ZYG11A: variants seen among roughly 807,000 people sequenced by gnomAD.
The protein encoded by ZYG11A is zyg-11 family member A, cell cycle regulator, also known as protein zyg-11 homolog A.
In ZYG11A, 62 loss-of-function variants were observed where a neutral mutation model predicts 77.2. The ratio of observed to expected loss-of-function variants is 0.80; its 90% CI spans 0.65 to 0.99. ZYG11A has a LOEUF of 0.99. ZYG11A is among the 50% of genes least tolerant of loss of function. The pLI is 0.00. For synonymous variants in ZYG11A, 315 were observed against 324.6 expected, an observed-to-expected ratio of 0.97 and a Z score of 0.32; for missense variants, 828 against 896.8, an observed-to-expected ratio of 0.92 and a Z score of 0.98.
At chr1:52,856,786 A>T (rs1645820856) in intron 2 of ZYG11A, among the ~76,000 whole-genome samples, 1 of 152,348 alleles carries the variant, frequency 6.6e-6, no homozygotes, top group Middle Eastern at 3.4e-3. Context: ...TCAGCTACAT[A>T]GTAGTAGTAA....
rs771421208 is a variant in ZYG11A at position 52,857,024 on chromosome 1, A to G, written c.283A>G (p.Ile95Val). Residue 95 changes from isoleucine (I) to valine (V), a missense_variant, in exon 3 of 14, where the codon ATT becomes GTT. By Grantham distance (29) the Ile-to-Val change is conservative. Transcript: ENST00000371528. ...CAAGCTGACTGACAGAACAGCCAGCATTTTCCGAGGCAACCAAATGAAACT... is the reference window on the plus strand; with the variant it reads ...CAAGCTGACTGACAGAACAGCCAGCGTTTTCCGAGGCAACCAAATGAAACT... ...QGKLTDRTAS[I>V]FRGNQMKLKL... 4.7e-5 allele frequency: 72 copies of G among 1,544,064 alleles called. No homozygotes were observed. Among genetic ancestry groups the G allele is most frequent in the Non-Finnish European group, 5.7e-5 (65 of 1,141,518 alleles).
intron 1 of ZYG11A, among the ~76,000 whole-genome samples, chr1:52,851,914 ATTT>A (rs143301493): frequency 7.9e-6 from 1 of 126,590 alleles, no homozygotes; most frequent in East Asian, 2.3e-4. Context: ...TGCCTTCCTA[ATTT>A]TTTTTTTTTT....
At chr1:52,871,518 A>G (rs932659206) in intron 8 of ZYG11A, among the ~76,000 whole-genome samples, 3 of 146,494 alleles carry the variant, frequency 2.0e-5, no homozygotes, top group African/African-American at 7.6e-5. Context: ...TTTTTTTGAG[A>G]CAGAGTCCCA....
chr1:52,845,012 G>A (rs1645536036), intron 1 of ZYG11A, among the ~76,000 whole-genome samples: 1 of 152,006 alleles, frequency 6.6e-6, no homozygotes, highest in South Asian at 2.1e-4. Context: ...TCCGGCTCAA[G>A]CAATCCTCTT....
intron 8 of ZYG11A, among the ~76,000 whole-genome samples, chr1:52,877,415 G>A (rs1033635402): frequency 1.3e-5 from 2 of 152,094 alleles, no homozygotes; most frequent in African/African-American, 2.4e-5. Context: ...AAAAATAATG[G>A]AATAGCTAAT....
intron 5 of ZYG11A, 79 bp from the exon 6 acceptor site, chr1:52,866,424 T>C (rs1178723622): frequency 5.1e-6 from 4 of 783,906 alleles, no homozygotes; most frequent in African/African-American, 1.7e-5. Context: ...TCACTAGTAA[T>C]ACTTCCAAAT....
rs1646291651 is a variant in ZYG11A at position 52,877,964 on chromosome 1, C to G, written c.1744C>G (p.Leu582Val). 1.9e-6 allele frequency: 3 copies of G among 1,551,384 alleles called. No individual in the cohort carries two copies. The highest frequency in any genetic ancestry group is 2.6e-6 in the Non-Finnish European group (3 of 1,146,912). ...AGCAATACAAAGCAAAGTACTTGGT[C>G]TTTTGGTAAGGTGAATTGTTTTGAA... ...ESAIQSKVLGLLNNIAEVREL... is the reference protein window; with the variant it reads ...ESAIQSKVLGVLNNIAEVREL... Residue 582 changes from leucine to valine, a missense_variant, in exon 10 of 14, where the codon CTT becomes GTT. Transcript: ENST00000371528.
intron 1 of ZYG11A, among the ~76,000 whole-genome samples, chr1:52,852,082 T>G (rs1256616080): frequency 6.6e-6 from 1 of 151,864 alleles, no homozygotes; most frequent in Non-Finnish European, 1.5e-5. Context: ...TCTCGGCTAA[T>G]TTTTTGTATT....
At chr1:52,889,261 A>C (rs1227291766) in intron 13 of ZYG11A, among the ~76,000 whole-genome samples, 1 of 152,124 alleles carries the variant, frequency 6.6e-6, no homozygotes, top group Admixed American at 6.5e-5. Context: ...CAGCCTCCCA[A>C]ATAGCTGGGA....
chr1:52,846,931 T>A (rs924996967), intron 1 of ZYG11A, among the ~76,000 whole-genome samples: 3 of 150,800 alleles, frequency 2.0e-5, no homozygotes, highest in African/African-American at 7.3e-5. Flanking sequence ...CACTGCAAGC[T>A]CCGCCTCCCG....
intron 11 of ZYG11A, among the ~76,000 whole-genome samples, chr1:52,885,243 C>T (rs1177742129): frequency 5.9e-5 from 9 of 151,570 alleles, no homozygotes; most frequent in Admixed American, 5.9e-4. Context: ...TGTAATTTCA[C>T]TTCAGGAAGT....
At chr1:52,884,483 G>A (rs544923883) in intron 11 of ZYG11A, among the ~76,000 whole-genome samples, 2 of 129,044 alleles carry the variant, frequency 1.5e-5, no homozygotes, top group East Asian at 2.2e-4. Context: ...GCAACAGAGC[G>A]AGACTGCCTC....
intron 10 of ZYG11A, 123 bp from the exon 11 acceptor site, chr1:52,881,348 G>A: frequency 3.2e-6 from 2 of 633,720 alleles, no homozygotes; most frequent in Non-Finnish European, 2.7e-6. Context: ...TGAGGCGGAG[G>A]CGGGTATAAG....
In ZYG11A at chr1:52,857,678, A is replaced by G. The variant is rs550144970; in HGVS notation, c.937A>G (p.Met313Val). 6 of 1,552,268 alleles carry G rather than the reference A, an allele frequency of 3.9e-6. No homozygotes were observed. The highest frequency in any genetic ancestry group is 2.4e-5 in the South Asian group (2 of 84,034). The change falls in exon 3 of 14, where the codon ATG becomes GTG. Residue 313 changes from methionine (M) to valine (V), a missense_variant. Coordinates refer to ENST00000371528, the MANE Select transcript of ZYG11A (RefSeq NM_001004339.3). ...VELFIRLRPA[M>V]QFVGLLATDA... Reference sequence around the variant, plus strand: ...ACTGTTTATACGACTGCGGCCTGCCATGCAATTTGTGGGACTATTGGCCAC... The same window carrying G: ...ACTGTTTATACGACTGCGGCCTGCCGTGCAATTTGTGGGACTATTGGCCAC...
chr1:52,869,276 TGGGTGTTTCTCGCAGAGG>T (rs1646091902), intron 8 of ZYG11A, among the ~76,000 whole-genome samples: 1 of 150,346 alleles, frequency 6.7e-6, no homozygotes, highest in Non-Finnish European at 1.5e-5. Context: ...TGATCATTCT[TGGGTGTTTCTCGCAGAGG>T]GGGATTTGGC....
intron 10 of ZYG11A, among the ~76,000 whole-genome samples, chr1:52,880,906 T>A (rs1337047098): frequency 2.0e-5 from 3 of 152,224 alleles, no homozygotes; most frequent in Admixed American, 6.5e-5. Flanking sequence ...TAAGTCATGC[T>A]GAGACTCCTG....
At chr1:52,891,389 T>G (rs1235915215) in intron 13 of ZYG11A, among the ~76,000 whole-genome samples, 1 of 151,862 alleles carries the variant, frequency 6.6e-6, no homozygotes, top group Non-Finnish European at 1.5e-5. Context: ...GATTGTGAAG[T>G]CAACTTTAGC....
intron 6 of ZYG11A, 71 bp downstream of exon 6, chr1:52,866,638 G>T (rs548208266): frequency 1.2e-5 from 11 of 905,148 alleles, no homozygotes; most frequent in African/African-American, 1.0e-4. Flanking sequence ...CCTGATTAAG[G>T]CTGGGATAAG....
In ZYG11A at chr1:52,877,908, A is replaced by G; in HGVS notation, c.1705-17A>G. The stretch of plus-strand genomic sequence containing the variant: ...CTTCATGATAAAGTAACCTGTATGT[A>G]TATATTTTTTTGACAGACCTTTTCA... On this transcript the variant is annotated splice_polypyrimidine_tract_variant and intron_variant, in intron 9 of 13. Coordinates refer to ENST00000371528, the MANE Select transcript of ZYG11A (RefSeq NM_001004339.3). The G allele has an allele frequency of 6.4e-7, 1 of 1,551,590 alleles. No individual in the cohort carries two copies. Among genetic ancestry groups the G allele is most frequent in the South Asian group, 1.2e-5 (1 of 84,062 alleles).
Sources: allele counts gnomAD v4.1 joint callset (sites outside exome capture counted in the v4.1 genomes callset), GRCh38; gene constraint gnomAD v4.1.1; transcripts MANE v1.5; gene names NCBI Gene and HGNC (gene_info 2026-07-23, HGNC 2026-07-21).